PLCZ1: variants seen among roughly 807,000 people sequenced by gnomAD.
PLCZ1 encodes phospholipase C zeta 1.
PLCZ1 carries 64 observed loss-of-function variants against 76.8 expected under a neutral mutation model. That is an observed-to-expected ratio of 0.83 (90% CI 0.68 to 1.03). The LOEUF is 1.03. Among genes scored for constraint, PLCZ1 ranks in the 50% least tolerant of loss-of-function variants. PLCZ1 has a pLI of 0.00. For missense variants in PLCZ1, 751 were observed against 713.7 expected (o/e 1.05, Z -0.60); for synonymous variants, 248 against 230.8 (o/e 1.07, Z -0.68).
intron 3 of PLCZ1, among the ~76,000 whole-genome samples, chr12:18,735,563 G>T (rs1289254973): frequency 1.3e-5 from 2 of 152,014 alleles, no homozygotes; most frequent in Non-Finnish European, 2.9e-5. Flanking sequence ...TTTGTTATTG[G>T]TCTGTTTAAC....
intron 6 of PLCZ1, among the ~76,000 whole-genome samples, chr12:18,712,321 G>T (rs1389467716): frequency 6.6e-6 from 1 of 152,096 alleles, no homozygotes; most frequent in African/African-American, 2.4e-5. Flanking sequence ...CATAAACTGA[G>T]CTCAAATTCT....
intron 6 of PLCZ1, among the ~76,000 whole-genome samples, chr12:18,710,874 T>A (rs911144088): frequency 1.1e-4 from 17 of 152,002 alleles, no homozygotes; most frequent in Admixed American, 3.3e-4. Context: ...CATTAAAAAG[T>A]CAGGAAACAA....
At chr12:18,654,725 G>C in the PLCZ1 span, among the ~76,000 whole-genome samples, 1 of 152,142 alleles carries the variant, frequency 6.6e-6, no homozygotes, top group African/African-American at 2.4e-5. Context: ...GGTCTGATAA[G>C]ATTATCTTTT....
At chr12:18,678,113 CAG>C in the PLCZ1 span, among the ~76,000 whole-genome samples, 1 of 152,096 alleles carries the variant, frequency 6.6e-6, no homozygotes, top group Non-Finnish European at 1.5e-5. Flanking sequence ...CAGCTGTCCA[CAG>C]AGTCTAGAAC....
At chr12:18,702,453 G>A (rs1264501170) in intron 7 of PLCZ1, among the ~76,000 whole-genome samples, 1 of 151,986 alleles carries the variant, frequency 6.6e-6, no homozygotes, top group Non-Finnish European at 1.5e-5. Context: ...TTAAGTACCG[G>A]CTCTGTTATA....
chr12:18,688,191 T>C lies in PLCZ1; in HGVS notation c.1489A>G (p.Thr497Ala), dbSNP rs1360232726. The C allele has an allele frequency of 1.2e-6, 2 of 1,610,562 alleles. No homozygotes were observed. Among genetic ancestry groups the C allele is most frequent in the Non-Finnish European group, 1.7e-6 (2 of 1,178,564 alleles). ...TCACCTTTGTTAGATGATGAATGAGTAAGAGGCAACTGGATACCACTGATG... is the reference window on the plus strand; with the variant it reads ...TCACCTTTGTTAGATGATGAATGAGCAAGAGGCAACTGGATACCACTGATG... Reference protein sequence around the residue: ...RLISGIQLPLTHSSSNKGDSL... With the variant: ...RLISGIQLPLAHSSSNKGDSL... The change falls in exon 13 of 15, where the codon ACT becomes GCT. Residue 497 changes from threonine (T) to alanine (A), a missense_variant. Coordinates refer to ENST00000266505, the MANE Select transcript of PLCZ1 (RefSeq NM_033123.4).
intron 3 of PLCZ1, among the ~76,000 whole-genome samples, chr12:18,729,438 T>C (rs1490817608): frequency 6.6e-6 from 1 of 152,090 alleles, no homozygotes; most frequent in Non-Finnish European, 1.5e-5. Context: ...TTCCTTTTTC[T>C]GCCCTTAAAA....
intron 3 of PLCZ1, among the ~76,000 whole-genome samples, chr12:18,732,497 C>A (rs1959110187): frequency 6.6e-6 from 1 of 152,182 alleles, no homozygotes; most frequent in South Asian, 2.1e-4. Context: ...AATCTAAGAT[C>A]TACCCTCTTA....
the PLCZ1 span, among the ~76,000 whole-genome samples, chr12:18,674,592 A>C: frequency 6.6e-6 from 1 of 152,198 alleles, no homozygotes; most frequent in Non-Finnish European, 1.5e-5. Context: ...ATTATTCTTG[A>C]GAGAGTAAAC....
rs1447243184 is a variant in PLCZ1 at position 18,723,544 on chromosome 12, T to C, written c.136-2A>G. ...TCCTTGTTTCAGCCTGTCATTGTCC[T>C]ACTAAAAAAATGACTGGTGGGCTCA... is the stretch of plus-strand genomic sequence containing the variant. On this transcript the variant is annotated splice_acceptor_variant, in intron 3 of 14. Coordinates refer to ENST00000266505, the MANE Select transcript of PLCZ1 (RefSeq NM_033123.4). LOFTEE classifies it high-confidence loss of function. The C allele has an allele frequency of 6.2e-7, 1 of 1,609,828 alleles. No individual in the cohort carries two copies. The highest frequency in any genetic ancestry group is 1.1e-5 in the South Asian group (1 of 90,996).
chr12:18,688,205 A>G lies in PLCZ1; in HGVS notation c.1475T>C (p.Ile492Thr). 6.2e-7 allele frequency: 1 copy of G among 1,609,370 alleles called. No individual in the cohort carries two copies. The highest frequency in any genetic ancestry group is 2.2e-5 in the East Asian group (1 of 44,694). Reference sequence around the variant, plus strand: ...TGATGAATGAGTAAGAGGCAACTGGATACCACTGATGAGCTGCACAAATAT... The same window carrying G: ...TGATGAATGAGTAAGAGGCAACTGGGTACCACTGATGAGCTGCACAAATAT... ...ITLTIRLISG[I>T]QLPLTHSSSN... The change falls in exon 13 of 15, where the codon ATC becomes ACC. Residue 492 changes from isoleucine to threonine, a missense_variant. Transcript: ENST00000266505.
At chr12:18,731,723 C>T (rs1959060338) in intron 3 of PLCZ1, among the ~76,000 whole-genome samples, 2 of 152,018 alleles carry the variant, frequency 1.3e-5, no homozygotes, top group South Asian at 4.2e-4. Flanking sequence ...AAATCATACG[C>T]AGGATTTTAA....
At chr12:18,682,417 T>C (rs1005526001), downstream of PLCZ1, among the ~76,000 whole-genome samples, 10 of 152,016 alleles carry the variant, frequency 6.6e-5, no homozygotes, top group Non-Finnish European at 1.0e-4. Context: ...ATCACTACTA[T>C]GCAACAATGT....
rs1955911739 is a variant in PLCZ1 at position 18,701,489 on chromosome 12, A to G, written c.1017+12T>C. The G allele has an allele frequency of 6.2e-7, 1 of 1,613,890 alleles. No homozygotes were observed. Among genetic ancestry groups the G allele is most frequent in the African/African-American group, 1.3e-5 (1 of 74,906 alleles). ...CAATCACTTGTAAGATTTTCACAAAACACCACCTCACCTTCTTTTTCTTGA... is the reference window on the plus strand; with the variant it reads ...CAATCACTTGTAAGATTTTCACAAAGCACCACCTCACCTTCTTTTTCTTGA... On this transcript the variant is annotated intron_variant, in intron 9 of 14. Coordinates refer to ENST00000266505, the MANE Select transcript of PLCZ1 (RefSeq NM_033123.4).
intron 12 of PLCZ1, among the ~76,000 whole-genome samples, chr12:18,690,495 G>A (rs1953910136): frequency 6.6e-6 from 1 of 152,100 alleles, no homozygotes; most frequent in Non-Finnish European, 1.5e-5. Flanking sequence ...AAAGTGATGG[G>A]ATTACAGATG....
At chr12:18,717,136 T>C (rs1303922217) in intron 5 of PLCZ1, among the ~76,000 whole-genome samples, 4 of 152,166 alleles carry the variant, frequency 2.6e-5, no homozygotes, top group African/African-American at 9.6e-5. Flanking sequence ...CAATTAAATT[T>C]AAGTGTAAAT....
intron 12 of PLCZ1, among the ~76,000 whole-genome samples, chr12:18,694,656 T>A (rs1435132300): frequency 6.6e-6 from 1 of 152,204 alleles, no homozygotes; most frequent in Middle Eastern, 3.4e-3. Flanking sequence ...AATCATATAG[T>A]AGAACTTTGA....
At chr12:18,672,417 G>A in the PLCZ1 span, among the ~76,000 whole-genome samples, 2 of 151,930 alleles carry the variant, frequency 1.3e-5, no homozygotes, top group Admixed American at 6.6e-5. Context: ...CTCTGATTAT[G>A]TAAGTTTCAA....
the PLCZ1 span, among the ~76,000 whole-genome samples, chr12:18,658,549 A>G: frequency 6.6e-6 from 1 of 152,158 alleles, no homozygotes; most frequent in African/African-American, 2.4e-5. Context: ...AAAAGAAAAG[A>G]CCATCAACCA....
Sources: allele counts gnomAD v4.1 joint callset (sites outside exome capture counted in the v4.1 genomes callset), GRCh38; gene constraint gnomAD v4.1.1; transcripts MANE v1.5; gene names NCBI Gene and HGNC (gene_info 2026-07-23, HGNC 2026-07-21).